CD3E: variants seen among roughly 807,000 people sequenced by gnomAD.
The protein encoded by CD3E is CD3 epsilon subunit of T-cell receptor complex, also known as T-cell surface glycoprotein CD3 epsilon chain.
A neutral mutation model predicts 34.7 loss-of-function variants in CD3E; 16 were observed. The observed-to-expected ratio is 0.46, with a 90% CI of 0.31 to 0.70. CD3E has a LOEUF of 0.70. Ranked by LOEUF, CD3E falls within the 30% of genes least tolerant of loss-of-function variation. The pLI is 0.05. For missense variants in CD3E, 223 were observed against 253.9 expected, an observed-to-expected ratio of 0.88 and a Z score of 0.83; for synonymous variants, 70 against 90.8, an observed-to-expected ratio of 0.77 and a Z score of 1.30.
chr11:118,308,208 G>A (rs998595325), intron 3 of CD3E, among the ~76,000 whole-genome samples: 6 of 152,060 alleles, frequency 3.9e-5, no homozygotes, highest in Non-Finnish European at 5.9e-5. Flanking sequence ...CCTAGATTCC[G>A]CCATGCTGCC....
At chr11:118,310,573 A>C (rs1295168075) in intron 4 of CD3E, among the ~76,000 whole-genome samples, 2 of 152,200 alleles carry the variant, frequency 1.3e-5, no homozygotes, top group African/African-American at 4.8e-5. Context: ...TGAATAGTGC[A>C]CAATGAACAT....
intron 4 of CD3E, among the ~76,000 whole-genome samples, chr11:118,310,786 C>T (rs1948131509): frequency 1.3e-5 from 2 of 152,156 alleles, no homozygotes; most frequent in Admixed American, 6.5e-5. Flanking sequence ...GTCTAAGAAA[C>T]ATCCGTGTTG....
rs539979998 is a variant in CD3E at position 118,308,085 on chromosome 11, C to A, written c.71-342C>A. 3.3e-5 allele frequency among the ~76,000 whole-genome samples: 5 copies of A among 152,166 alleles called. No homozygotes were observed. In the South Asian group the frequency reaches 1.0e-3, roughly 32 times the overall value. On this transcript the variant is annotated intron_variant, in intron 3 of 8. Transcript: ENST00000361763. ...TCGAGAAGCTGAGGCAGGAGAATCG[C>A]TTGAACCTGGGAGGCAGAGGTTGTA... is the stretch of plus-strand genomic sequence containing the variant.
chr11:118,315,000 C>T (rs908800687), intron 8 of CD3E, among the ~76,000 whole-genome samples: 93 of 140,586 alleles, frequency 6.6e-4, no homozygotes, highest in African/African-American at 2.3e-3. Context: ...CACACACACA[C>T]GTGACCAGAC....
Position 118,312,766 on chromosome 11 carries a change from G to A in CD3E, c.252G>A (p.Leu84=), listed in dbSNP as rs749116927. 3 of 1,614,208 alleles carry A rather than the reference G, an allele frequency of 1.9e-6. No homozygotes were observed. Among genetic ancestry groups the A allele is most frequent in the Non-Finnish European group, 2.5e-6 (3 of 1,180,038 alleles). ...NIGSDEDHLS[L]KEFSELEQSG... Reference sequence around the variant, plus strand: ...GCAGTGATGAGGATCACCTGTCACTGAAGGAATTTTCAGAATTGGAGCAAA... The same window carrying A: ...GCAGTGATGAGGATCACCTGTCACTAAAGGAATTTTCAGAATTGGAGCAAA... The change falls in exon 6 of 9, where the codon CTG becomes CTA. Residue 84 remains leucine (L), a synonymous_variant. Coordinates refer to ENST00000361763, the MANE Select transcript of CD3E (RefSeq NM_000733.4).
intron 6 of CD3E, 54 bp downstream of exon 6, chr11:118,312,920 A>C: frequency 6.2e-7 from 1 of 1,607,404 alleles, no homozygotes; most frequent in Non-Finnish European, 8.5e-7. Flanking sequence ...GGACCATTCA[A>C]AAGGGCATTC....
rs201661177 is a variant in CD3E at position 118,312,699 on chromosome 11, A to T, written c.185A>T (p.Asn62Ile). 6 of 1,614,172 alleles carry T rather than the reference A, an allele frequency of 3.7e-6. No homozygotes were observed. Among genetic ancestry groups the T allele is most frequent in the Non-Finnish European group, 5.1e-6 (6 of 1,179,998 alleles). ...YPGSEILWQH[N>I]DKNIGGDEDD... is the part of the protein sequence containing the mutation. ...GGATCTGAAATACTATGGCAACACA[A>T]TGATAAAAACATAGGCGGTGATGAG... Residue 62 changes from asparagine to isoleucine, a missense_variant, in exon 6 of 9, where the codon AAT becomes ATT. Coordinates refer to ENST00000361763, the MANE Select transcript of CD3E (RefSeq NM_000733.4).
At chr11:118,311,063 C>T (rs551600906) in intron 4 of CD3E, among the ~76,000 whole-genome samples, 79 of 152,260 alleles carry the variant, frequency 5.2e-4, no homozygotes, top group African/African-American at 1.8e-3. Context: ...ATTTAATTTT[C>T]GCAAAAACTT....
chr11:118,313,539 C>A, intron 6 of CD3E, 168 bp from the exon 7 acceptor site: 1 of 692,982 alleles, frequency 1.4e-6, no homozygotes, highest in Non-Finnish European at 2.5e-6. Flanking sequence ...ACGGCCACCA[C>A]TCTTTGCTTG....
rs202217457 is a variant in CD3E at position 118,315,633 on chromosome 11, G to A, written c.*91G>A. On this transcript the variant is annotated 3_prime_UTR_variant, in exon 9 of 9. Transcript: ENST00000361763. ...TTCCTGGGCTAGTCTTGGACCCCACGAGAGAGAATCGTTCCTCAGCCTCAT... is the reference window on the plus strand; with the variant it reads ...TTCCTGGGCTAGTCTTGGACCCCACAAGAGAGAATCGTTCCTCAGCCTCAT... The A allele has an allele frequency of 1.6e-4, 181 of 1,132,384 alleles. No homozygotes were observed. The African/African-American group carries it at 2.2e-3, about 14-fold the overall frequency. 70.1% of individuals were successfully genotyped at this position (1,132,384 alleles called of 1,614,324 possible). A position where few individuals can be genotyped will look rare whatever the true frequency, so the allele number is the denominator to read the frequency against.
chr11:118,310,757 T>C (rs1382869809), intron 4 of CD3E, among the ~76,000 whole-genome samples: 1 of 152,236 alleles, frequency 6.6e-6, no homozygotes, highest in Non-Finnish European at 1.5e-5. Flanking sequence ...TTATTTATGA[T>C]TTCTAGTTCA....
At chr11:118,315,377 C>G in intron 8 of CD3E, 109 bp from the exon 9 acceptor site, 1 of 922,276 alleles carries the variant, frequency 1.1e-6, no homozygotes, top group South Asian at 1.4e-5. Flanking sequence ...TGCCTCCTGA[C>G]TTCAAGTCCA....
chr11:118,307,643 G>T (rs1948114853), intron 3 of CD3E, among the ~76,000 whole-genome samples: 1 of 152,182 alleles, frequency 6.6e-6, no homozygotes, highest in Admixed American at 6.5e-5. Flanking sequence ...CATGCACAGG[G>T]TTACTCTGGA....
At chr11:118,307,158 G>T in intron 2 of CD3E, 130 bp from the exon 3 acceptor site, 1 of 711,490 alleles carries the variant, frequency 1.4e-6, no homozygotes. Context: ...AAATGGCTGT[G>T]ACCCAGCAGC....
chr11:118,311,536 T>C (rs1286711545), intron 4 of CD3E, among the ~76,000 whole-genome samples: 1 of 152,204 alleles, frequency 6.6e-6, no homozygotes, highest in East Asian at 1.9e-4. Context: ...GTAGAGTATT[T>C]CACATTATTT....
At chr11:118,310,367 C>T (rs1050357494) in intron 4 of CD3E, among the ~76,000 whole-genome samples, 1 of 152,226 alleles carries the variant, frequency 6.6e-6, no homozygotes, top group African/African-American at 2.4e-5. Context: ...TAAATGAGAA[C>T]ATGTGGTATT....
intron 7 of CD3E, 76 bp from the exon 8 acceptor site, chr11:118,314,372 G>T: frequency 8.2e-7 from 1 of 1,214,420 alleles, no homozygotes; most frequent in Non-Finnish European, 1.2e-6. Flanking sequence ...TCTCTATCTG[G>T]GTCTCACTGG....
chr11:118,312,856 G>C lies in CD3E; in HGVS notation c.342G>C (p.Leu114=). ...KPEDANFYLY[L]RARVCENCME... Reference sequence around the variant, plus strand: ...AAGATGCGAACTTTTATCTCTACCTGAGGGCAAGAGGTAATCCAGGTCTCC... The same window carrying C: ...AAGATGCGAACTTTTATCTCTACCTCAGGGCAAGAGGTAATCCAGGTCTCC... Residue 114 remains leucine, a synonymous_variant, in exon 6 of 9, where the codon CTG becomes CTC. Coordinates refer to ENST00000361763, the MANE Select transcript of CD3E (RefSeq NM_000733.4). 2 of 1,614,150 alleles carry C rather than the reference G, an allele frequency of 1.2e-6. No individual in the cohort carries two copies. The highest frequency in any genetic ancestry group is 2.7e-5 in the African/African-American group (2 of 75,034).
intron 7 of CD3E, 39 bp downstream of exon 7, chr11:118,313,913 A>C: frequency 6.2e-7 from 1 of 1,609,156 alleles, no homozygotes; most frequent in Admixed American, 1.7e-5. Flanking sequence ...ATTCCTGCCA[A>C]GGGGGACGAC....
Sources: allele counts gnomAD v4.1 joint callset (sites outside exome capture counted in the v4.1 genomes callset), GRCh38; gene constraint gnomAD v4.1.1; transcripts MANE v1.5; gene names NCBI Gene and HGNC (gene_info 2026-07-23, HGNC 2026-07-21).